The following PPFIA1 variants were observed in gnomAD, a reference collection of about 807,000 sequenced individuals.
PPFIA1 encodes the protein PPFI scaffold protein A1.
A neutral mutation model predicts 149.9 loss-of-function variants in PPFIA1; 25 were observed. That is an observed-to-expected ratio of 0.17 (90% CI 0.12 to 0.23). The LOEUF (loss-of-function observed/expected upper bound fraction) is 0.23. Among genes scored for constraint, PPFIA1 ranks in the 10% least tolerant of loss-of-function variants. The pLI is 1.00. For missense variants in PPFIA1, 1,362 were observed against 1,506.5 expected (o/e 0.90, Z 1.59); for synonymous variants, 549 against 552.8 (o/e 0.99, Z 0.10).
At position 70,292,307 on chromosome 11, in the gene PPFIA1, A is replaced by G. The variant is rs145983344; in HGVS notation, c.264+19871A>G. Among the ~76,000 whole-genome samples the G allele has an allele frequency of 2.9e-3, 446 of 152,326 alleles. 3 individuals carry two copies. The highest frequency in any genetic ancestry group is 0.014 in the Middle Eastern group (4 of 294). ...CCAGTGAATAGTTTAGAAGCAGGCC[A>G]TGTGCGTCCTTTCTGCCTGCCTCTG... On this transcript the variant is annotated intron_variant, in intron 2 of 27. Transcript: ENST00000253925.
intron 10 of PPFIA1, among the ~76,000 whole-genome samples, chr11:70,333,938 T>C (rs2054821185): frequency 6.6e-6 from 1 of 152,174 alleles, no homozygotes; most frequent in Non-Finnish European, 1.5e-5. Context: ...TCCACTTTTC[T>C]AGGATATGGC....
chr11:70,296,040 G>A (rs1429654954), intron 2 of PPFIA1, among the ~76,000 whole-genome samples: 1 of 151,742 alleles, frequency 6.6e-6, no homozygotes, highest in Non-Finnish European at 1.5e-5. Context: ...TCACATCCCA[G>A]ACGGGGCGTC....
At chr11:70,354,867 TA>T (rs2056270023) in intron 17 of PPFIA1, among the ~76,000 whole-genome samples, 1 of 152,128 alleles carries the variant, frequency 6.6e-6, no homozygotes. Context: ...AAGTTGTACT[TA>T]CCAATTTAGT....
chr11:70,335,744 A>G, intron 11 of PPFIA1, 50 bp downstream of exon 11: 1 of 1,604,934 alleles, frequency 6.2e-7, no homozygotes, highest in Non-Finnish European at 8.5e-7. Context: ...CTCTGCCAAA[A>G]GATTGCTCAT....
intron 2 of PPFIA1, among the ~76,000 whole-genome samples, chr11:70,308,271 C>T (rs1377365231): frequency 1.3e-5 from 2 of 152,204 alleles, no homozygotes; most frequent in Non-Finnish European, 2.9e-5. Flanking sequence ...TGGTCTCAAA[C>T]TCCCGACCTC....
chr11:70,369,987 C>T (rs984841358), intron 21 of PPFIA1, among the ~76,000 whole-genome samples: 1 of 150,910 alleles, frequency 6.6e-6, no homozygotes, highest in Non-Finnish European at 1.5e-5. Flanking sequence ...GGGCCTCGCT[C>T]TGCTGCCCAG....
chr11:70,355,986 A>G (rs2056342085), intron 18 of PPFIA1, among the ~76,000 whole-genome samples, 175 bp downstream of exon 18: 1 of 152,230 alleles, frequency 6.6e-6, no homozygotes, highest in African/African-American at 2.4e-5. Flanking sequence ...CCACTCAGGT[A>G]CAACACATTT....
At chr11:70,347,083 A>ATT (rs2055748605) in intron 15 of PPFIA1, among the ~76,000 whole-genome samples, 1 of 152,206 alleles carries the variant, frequency 6.6e-6, no homozygotes, top group South Asian at 2.1e-4. Flanking sequence ...CCAACTCAAT[A>ATT]TTTTCGTTTA....
intron 21 of PPFIA1, chr11:70,364,695 C>T (rs1393068970): frequency 6.6e-6 from 1 of 152,202 alleles, no homozygotes; most frequent in Non-Finnish European, 1.5e-5. Flanking sequence ...CTGAGCTCTT[C>T]CCTGGTTGTT....
At chr11:70,319,105 A>C (rs910724471) in intron 2 of PPFIA1, among the ~76,000 whole-genome samples, 3 of 151,824 alleles carry the variant, frequency 2.0e-5, no homozygotes, top group Non-Finnish European at 4.4e-5. Flanking sequence ...TTCAAAACAT[A>C]CTCTTCCCGT....
At chr11:70,365,535 A>G in intron 21 of PPFIA1, 3 of 430,526 alleles carry the variant, frequency 7.0e-6, no homozygotes, top group South Asian at 4.9e-5. Context: ...GTTGTTTTCC[A>G]TTCAGTCGTT....
chr11:70,349,022 C>T (rs1365765385), intron 16 of PPFIA1, among the ~76,000 whole-genome samples: 1 of 150,884 alleles, frequency 6.6e-6, no homozygotes, highest in Non-Finnish European at 1.5e-5. Flanking sequence ...GGAAAAACCA[C>T]TTAGCAAAAG....
intron 2 of PPFIA1, among the ~76,000 whole-genome samples, chr11:70,297,490 C>G (rs781058087): frequency 5.3e-5 from 8 of 152,150 alleles, no homozygotes; most frequent in Non-Finnish European, 1.2e-4. Context: ...TCTCCTTGTA[C>G]TCAGTGTGTC....
chr11:70,348,274 G>C lies in PPFIA1; in HGVS notation c.2017G>C (p.Gly673Arg). 6.2e-7 allele frequency: 1 copy of C among 1,614,202 alleles called. No individual in the cohort carries two copies. The highest frequency in any genetic ancestry group is 2.2e-5 in the East Asian group (1 of 44,878). Residue 673 changes from glycine to arginine, a missense_variant, in exon 16 of 28, where the codon GGT becomes CGT. Physicochemically the swap from Gly to Arg is moderately radical, Grantham distance 125. Around this residue, in one of 7 missense-constraint regions of PPFIA1, gnomAD observed 733 missense variants for 744.1 expected, o/e 0.99. Coordinates refer to ENST00000253925, the MANE Select transcript of PPFIA1 (RefSeq NM_003626.5). ...TGGCAGTGGAAGTCTAGACAATCTT[G>C]GTCGTTTTAGATCAATGAGCTCCAT... The part of the protein sequence containing the change: ...RVGSGSLDNL[G>R]RFRSMSSIPP...
Position 70,298,337 on chromosome 11 carries a change from G to A in PPFIA1, c.264+25901G>A, listed in dbSNP as rs553026812. On this transcript the variant is annotated intron_variant, in intron 2 of 27. Transcript: ENST00000253925. ...GTGGGTAGAATAAAGGTTTTACATC[G>A]GAAAGAATCTACATTCCAAGGTTGT... Among the ~76,000 whole-genome samples, 4 of 152,258 alleles carry A rather than the reference G, an allele frequency of 2.6e-5. No homozygotes were observed. In the South Asian group the frequency reaches 6.2e-4, roughly 24 times the overall value.
chr11:70,312,774 G>A (rs151152700), intron 2 of PPFIA1, among the ~76,000 whole-genome samples: 1 of 152,152 alleles, frequency 6.6e-6, no homozygotes, highest in Non-Finnish European at 1.5e-5. Flanking sequence ...TCTGGGCTGC[G>A]GACATTGACT....
intron 2 of PPFIA1, among the ~76,000 whole-genome samples, chr11:70,301,557 A>G (rs754781331): frequency 6.6e-6 from 1 of 152,246 alleles, no homozygotes; most frequent in African/African-American, 2.4e-5. Flanking sequence ...TTTGAAAATC[A>G]TAAGGCATTA....
intron 2 of PPFIA1, among the ~76,000 whole-genome samples, chr11:70,314,358 C>T (rs1337103771): frequency 6.6e-6 from 1 of 152,150 alleles, no homozygotes; most frequent in African/African-American, 2.4e-5. Context: ...CGAGACAACC[C>T]AGGCTGGGGA....
At chr11:70,334,731 C>T (rs1396507603) in intron 10 of PPFIA1, 1 of 152,246 alleles carries the variant, frequency 6.6e-6, no homozygotes, top group Admixed American at 6.5e-5. Context: ...TTCGAATGCA[C>T]TGCTGATGGC....
Sources: allele counts gnomAD v4.1 joint callset (sites outside exome capture counted in the v4.1 genomes callset), GRCh38; gene constraint gnomAD v4.1.1; regional missense constraint gnomAD v4.1.1; transcripts MANE v1.5; gene names NCBI Gene and HGNC (gene_info 2026-07-23, HGNC 2026-07-21).